VMP1: variants seen among roughly 807,000 people sequenced by gnomAD.
The protein encoded by VMP1 is vacuole membrane protein 1.
VMP1 carries 11 observed loss-of-function variants against 56.0 expected under a neutral mutation model. The ratio of observed to expected loss-of-function variants is 0.20; its 90% CI spans 0.12 to 0.32. The LOEUF is 0.32. VMP1 is among the 10% of genes least tolerant of loss of function. The probability of loss-of-function intolerance (pLI) is 1.00; values close to 1 mark genes in which losing one functional copy is unlikely to be tolerated. For missense variants in VMP1, 296 were observed against 490.3 expected (o/e 0.60, Z 3.74); for synonymous variants, 149 against 165.0 (o/e 0.90, Z 0.74).
chr17:59,714,252 G>A (rs1174168175), intron 1 of VMP1, among the ~76,000 whole-genome samples: 1 of 151,990 alleles, frequency 6.6e-6, no homozygotes, highest in Non-Finnish European at 1.5e-5. Flanking sequence ...CACATGGAGG[G>A]GGAGCTGAGT....
chr17:59,756,602 T>C (rs2035850835), intron 5 of VMP1, among the ~76,000 whole-genome samples: 1 of 152,248 alleles, frequency 6.6e-6, no homozygotes, highest in Admixed American at 6.5e-5. Context: ...AGGAATGTTT[T>C]ATCAGTTCTG....
chr17:59,836,606 A>T (rs1355729721), intron 10 of VMP1, among the ~76,000 whole-genome samples: 1 of 151,638 alleles, frequency 6.6e-6, no homozygotes, highest in Admixed American at 6.6e-5. Context: ...ATTGTAAATT[A>T]TTTTGTTCAC....
intron 1 of VMP1, among the ~76,000 whole-genome samples, chr17:59,710,332 G>C (rs1178689343): frequency 6.6e-6 from 1 of 152,160 alleles, no homozygotes; most frequent in Non-Finnish European, 1.5e-5. Flanking sequence ...TTAGTAATTG[G>C]CTTGCTTGAG....
At chr17:59,747,881 C>T (rs1042704496) in intron 5 of VMP1, among the ~76,000 whole-genome samples, 23 of 151,398 alleles carry the variant, frequency 1.5e-4, no homozygotes, top group African/African-American at 5.1e-4. Flanking sequence ...TGTTACAGAG[C>T]GAAACCCTGT....
chr17:59,816,155 A>T (rs1408033323), intron 9 of VMP1, among the ~76,000 whole-genome samples: 1 of 152,232 alleles, frequency 6.6e-6, no homozygotes, highest in Admixed American at 6.5e-5. Context: ...TCAAGCTGCT[A>T]CATACAAAAA....
intron 9 of VMP1, among the ~76,000 whole-genome samples, chr17:59,816,669 G>A (rs889483304): frequency 6.6e-6 from 1 of 151,692 alleles, no homozygotes; most frequent in East Asian, 1.9e-4. Context: ...GCCGGGCATG[G>A]TGGCGGGCGC....
chr17:59,721,332 G>A (rs1232723058), intron 1 of VMP1, among the ~76,000 whole-genome samples: 1 of 152,168 alleles, frequency 6.6e-6, no homozygotes, highest in Non-Finnish European at 1.5e-5. Flanking sequence ...GGCGACAAGA[G>A]CGAAACTCCG....
intron 5 of VMP1, among the ~76,000 whole-genome samples, chr17:59,750,875 G>A (rs1407108886): frequency 6.7e-6 from 1 of 148,536 alleles, no homozygotes; most frequent in African/African-American, 2.5e-5. Flanking sequence ...TTTGTATGTA[G>A]ATTAGGTGCA....
At chr17:59,717,667 C>T (rs1349842380) in intron 1 of VMP1, among the ~76,000 whole-genome samples, 3 of 152,180 alleles carry the variant, frequency 2.0e-5, no homozygotes, top group Non-Finnish European at 4.4e-5. Flanking sequence ...TGCCTGTAAT[C>T]CCAGCACTTT....
chr17:59,819,090 A>G (rs2038349694), intron 10 of VMP1, among the ~76,000 whole-genome samples: 1 of 152,174 alleles, frequency 6.6e-6, no homozygotes, highest in African/African-American at 2.4e-5. Flanking sequence ...GAAAAAATAT[A>G]TTCTTGAGAT....
intron 7 of VMP1, among the ~76,000 whole-genome samples, chr17:59,795,502 T>A (rs2037407534): frequency 6.7e-6 from 1 of 150,056 alleles, no homozygotes. Context: ...TGAACATGTT[T>A]CTTTTGTTTT....
At chr17:59,763,247 T>C (rs1021226121) in intron 5 of VMP1, among the ~76,000 whole-genome samples, 2 of 152,116 alleles carry the variant, frequency 1.3e-5, no homozygotes, top group East Asian at 3.8e-4. Flanking sequence ...ACTTTGGGGT[T>C]TTTTTGTAGT....
chr17:59,812,031 T>A (rs2038067699), intron 9 of VMP1, among the ~76,000 whole-genome samples: 1 of 152,120 alleles, frequency 6.6e-6, no homozygotes, highest in African/African-American at 2.4e-5. Flanking sequence ...TCTTTCTTTA[T>A]TTTTTGTCCT....
chr17:59,763,479 C>T (rs892432870), intron 5 of VMP1, among the ~76,000 whole-genome samples: 1 of 151,998 alleles, frequency 6.6e-6, no homozygotes, highest in Non-Finnish European at 1.5e-5. Context: ...AACTTCACAT[C>T]GATTTTTTTG....
At chr17:59,814,237 A>G (rs759864955) in intron 9 of VMP1, among the ~76,000 whole-genome samples, 5 of 152,166 alleles carry the variant, frequency 3.3e-5, no homozygotes, top group African/African-American at 4.8e-5. Flanking sequence ...TTGGCCTCCC[A>G]AAGTGCTGGG....
At chr17:59,797,929 A>G (rs2144154988) in intron 7 of VMP1, among the ~76,000 whole-genome samples, 1 of 152,358 alleles carries the variant, frequency 6.6e-6, no homozygotes, top group South Asian at 2.1e-4. Context: ...GTTCAAAAAT[A>G]GGAAAAGCTA....
At chr17:59,719,400 T>C (rs2034305812) in intron 1 of VMP1, among the ~76,000 whole-genome samples, 1 of 152,208 alleles carries the variant, frequency 6.6e-6, no homozygotes, top group Admixed American at 6.5e-5. Context: ...TGGCTATCTT[T>C]GTGTGCCTTG....
intron 6 of VMP1, among the ~76,000 whole-genome samples, chr17:59,773,427 A>C (rs142657046): frequency 6.6e-6 from 1 of 151,714 alleles, no homozygotes; most frequent in East Asian, 2.0e-4. Context: ...ATAGACAGGA[A>C]TCTCAGAATG....
rs545696194 is a variant in VMP1, at chr17:59,811,533, T to G, written c.796-137T>G. ...GTTTGCCTAACCTCCTTTTGAACAA[T>G]CCAGTAGTGATCAAGGAACCCATAT... On this transcript the variant is annotated intron_variant, in intron 8 of 11. Coordinates refer to ENST00000262291, the MANE Select transcript of VMP1 (RefSeq NM_030938.5). 8 of 690,384 alleles carry G rather than the reference T, an allele frequency of 1.2e-5. No individual in the cohort carries two copies. In the African/African-American group the frequency reaches 1.4e-4, roughly 12 times the overall value. 42.8% of individuals were successfully genotyped at this position (690,384 alleles called of 1,614,324 possible). A position where few individuals can be genotyped will look rare whatever the true frequency, so the allele number is the denominator to read the frequency against.
Sources: allele counts gnomAD v4.1 joint callset (sites outside exome capture counted in the v4.1 genomes callset), GRCh38; gene constraint gnomAD v4.1.1; transcripts MANE v1.5; gene names NCBI Gene and HGNC (gene_info 2026-07-23, HGNC 2026-07-21).